ZBTB44: variants seen among roughly 807,000 people sequenced by gnomAD.
ZBTB44 encodes zinc finger and BTB domain containing 44, also known as zinc finger and BTB domain-containing protein 44.
In ZBTB44, 15 loss-of-function variants were observed where a neutral mutation model predicts 54.0. That is an observed-to-expected ratio of 0.28 (90% confidence interval 0.19 to 0.43). The LOEUF (loss-of-function observed/expected upper bound fraction) is 0.43. ZBTB44 is among the 20% of genes least tolerant of loss of function. The pLI, the probability that ZBTB44 is intolerant of heterozygous loss-of-function variation, is 1.00. For synonymous variants in ZBTB44, 230 were observed against 250.1 expected, an observed-to-expected ratio of 0.92 and a Z score of 0.76; for missense variants, 487 against 707.1, an observed-to-expected ratio of 0.69 and a Z score of 3.53.
chr11:130,288,484 T>C (rs540567416), intron 1 of ZBTB44, among the ~76,000 whole-genome samples: 24 of 152,306 alleles, frequency 1.6e-4, no homozygotes, highest in African/African-American at 5.8e-4. Context: ...AAATGGCAAG[T>C]AGTGTCTTAA....
chr11:130,302,578 A>C (rs549182187), intron 1 of ZBTB44, among the ~76,000 whole-genome samples: 37 of 152,222 alleles, frequency 2.4e-4, no homozygotes, highest in Non-Finnish European at 4.4e-4. Context: ...TAAGAAGAGC[A>C]AAGAGCCAAA....
At chr11:130,311,397 T>C (rs1452170273) in intron 1 of ZBTB44, among the ~76,000 whole-genome samples, 1 of 151,960 alleles carries the variant, frequency 6.6e-6, no homozygotes, top group Non-Finnish European at 1.5e-5. Flanking sequence ...TTTATAGAGA[T>C]GGGGTCTCAT....
intron 1 of ZBTB44, among the ~76,000 whole-genome samples, chr11:130,279,377 G>A (rs1263537594): frequency 1.3e-5 from 2 of 151,722 alleles, no homozygotes; most frequent in Non-Finnish European, 1.5e-5. Context: ...ATGTGGCTCA[G>A]GTTGGGTGCA....
In ZBTB44 at chr11:130,236,863, C is replaced by T. The variant is rs1259800304; in HGVS notation, c.1498G>A (p.Gly500Arg). ...CTCCTCAGGTGCACGATTAAATTTCCAGAGTTGGTGAACATGGCGCCACAT... is the reference window on the plus strand; with the variant it reads ...CTCCTCAGGTGCACGATTAAATTTCTAGAGTTGGTGAACATGGCGCCACAT... ...KTCGAMFTNS[G>R]NLIVHLRSLN... The change falls in exon 5 of 8, where the codon GGA becomes AGA. Residue 500 changes from glycine to arginine, a missense_variant. Gly to Arg is a moderately radical substitution (Grantham distance 125, BLOSUM62 -2). Transcript: ENST00000357899. 6.7e-7 allele frequency: 1 copy of T among 1,500,714 alleles called. No individual in the cohort carries two copies. Among genetic ancestry groups the T allele is most frequent in the South Asian group, 1.3e-5 (1 of 78,516 alleles). The allele number at this position is 1,500,714 out of a possible 1,614,324, so 93.0% of individuals were successfully genotyped here. A position where few individuals can be genotyped will look rare whatever the true frequency, so the allele number is the denominator to read the frequency against.
intron 1 of ZBTB44, among the ~76,000 whole-genome samples, chr11:130,292,874 T>A (rs1415074317): frequency 6.6e-6 from 1 of 152,132 alleles, no homozygotes; most frequent in African/African-American, 2.4e-5. Context: ...AAATAAGACG[T>A]TTCTCACTAT....
In ZBTB44 at chr11:130,233,288, T is replaced by C. The variant is rs553420245; in HGVS notation, c.*48+20A>G. On this transcript the variant is annotated intron_variant, in intron 7 of 7. Transcript: ENST00000357899. The stretch of plus-strand genomic sequence containing the variant: ...AAAAGCAGTATGAGAAGAGTTCCTA[T>C]GAAGCTGGGATTTACATACTTCATT... The C allele has an allele frequency of 2.0e-5, 30 of 1,500,372 alleles. No homozygotes were observed. In the East Asian group the frequency reaches 2.2e-4, roughly 11 times the overall value. The allele number at this position is 1,500,372 out of a possible 1,614,324, so 92.9% of individuals were successfully genotyped here.
At chr11:130,246,545 G>A (rs1326028998) in intron 2 of ZBTB44, among the ~76,000 whole-genome samples, 3 of 152,064 alleles carry the variant, frequency 2.0e-5, no homozygotes, top group African/African-American at 4.8e-5. Context: ...TAGAAGTGCT[G>A]TATGATAGCT....
At chr11:130,312,345 A>C (rs1942658455) in intron 1 of ZBTB44, among the ~76,000 whole-genome samples, 1 of 152,218 alleles carries the variant, frequency 6.6e-6, no homozygotes, top group Non-Finnish European at 1.5e-5. Context: ...ACTTTAATCA[A>C]ATGGTTACAT....
chr11:130,232,383 A>G (rs192573052), intron 7 of ZBTB44: 8 of 152,352 alleles, frequency 5.3e-5, no homozygotes, highest in African/African-American at 1.9e-4. Context: ...TTTAGGATCA[A>G]TATTAGAGAT....
Position 130,298,469 on chromosome 11 carries a change from T to G in ZBTB44, c.-57+15906A>C, listed in dbSNP as rs532860729. On this transcript the variant is annotated intron_variant, in intron 1 of 7. Coordinates refer to ENST00000357899, the MANE Select transcript of ZBTB44 (RefSeq NM_001301098.2). ...CAAAAGTTGAAGTTTTTTTTTTTTT[T>G]TTTTTTTTTTAAAGACTGAGTCTCG... Among the ~76,000 whole-genome samples, 1,083 of 150,232 alleles carry G rather than the reference T, an allele frequency of 7.2e-3. 5 individuals carry two copies. The highest frequency in any genetic ancestry group is 0.011 in the Non-Finnish European group (743 of 67,524).
intron 2 of ZBTB44, 55 bp downstream of exon 2, chr11:130,260,801 T>TA (rs1200528350): frequency 1.1e-5 from 16 of 1,516,242 alleles, no homozygotes; most frequent in Admixed American, 6.7e-5. Flanking sequence ...AACAGGAACT[T>TA]AAAAATGTTT....
At position 130,240,041 on chromosome 11, in the gene ZBTB44, ATTTTTTTT is replaced by A. The variant is rs11449622; in HGVS notation, c.1019-153_1019-146del. 9.9e-3 allele frequency: 3,170 copies of A among 321,794 alleles called. 49 individuals carry two copies. Among genetic ancestry groups the A allele is most frequent in the Non-Finnish European group, 0.01 (1,824 of 174,122 alleles). The allele number at this position is 321,794 out of a possible 1,614,324, so 19.9% of individuals were successfully genotyped here. A position where few individuals can be genotyped will look rare whatever the true frequency, so the allele number is the denominator to read the frequency against. On this transcript the variant is annotated intron_variant, in intron 2 of 7. Coordinates refer to ENST00000357899, the MANE Select transcript of ZBTB44 (RefSeq NM_001301098.2). ...TTATTAATCCAAAGTAGTGTTCTAC[ATTTTTTTT>A]TTTTTTTTTTGAGACTGAGTCTCGC...
At chr11:130,247,488 T>C (rs1047979949) in intron 2 of ZBTB44, among the ~76,000 whole-genome samples, 3 of 152,206 alleles carry the variant, frequency 2.0e-5, no homozygotes, top group African/African-American at 7.2e-5. Context: ...GTTATTCAGA[T>C]TGTGTTGCTC....
chr11:130,293,739 T>C (rs1049835721), intron 1 of ZBTB44, among the ~76,000 whole-genome samples: 1 of 151,880 alleles, frequency 6.6e-6, no homozygotes, highest in Non-Finnish European at 1.5e-5. Flanking sequence ...GAGGTTGCCG[T>C]GGGCCAAGAC....
chr11:130,273,048 A>C (rs1939790983), intron 1 of ZBTB44, among the ~76,000 whole-genome samples: 1 of 152,150 alleles, frequency 6.6e-6, no homozygotes, highest in Non-Finnish European at 1.5e-5. Context: ...GCAACTCCAT[A>C]TTAATTTCAG....
chr11:130,281,603 G>T (rs1057021385), intron 1 of ZBTB44, among the ~76,000 whole-genome samples: 4 of 145,766 alleles, frequency 2.7e-5, no homozygotes, highest in South Asian at 4.2e-4. Flanking sequence ...TTGTTTTTTG[G>T]GGGGGGGATG....
intron 1 of ZBTB44, among the ~76,000 whole-genome samples, chr11:130,306,071 T>C (rs1055439467): frequency 3.9e-5 from 6 of 152,206 alleles, no homozygotes; most frequent in African/African-American, 1.4e-4. Context: ...ACCTTACTCC[T>C]GTAAGAATGG....
intron 1 of ZBTB44, among the ~76,000 whole-genome samples, chr11:130,287,850 C>T (rs992712751): frequency 8.6e-5 from 13 of 150,690 alleles, no homozygotes; most frequent in Admixed American, 2.7e-4. Flanking sequence ...TGAACTATAT[C>T]TAAAAATATT....
intron 1 of ZBTB44, among the ~76,000 whole-genome samples, chr11:130,290,638 G>A (rs1183475785): frequency 6.6e-6 from 1 of 152,108 alleles, no homozygotes; most frequent in Non-Finnish European, 1.5e-5. Context: ...AATTATCTGA[G>A]TCCAGACACT....
Sources: allele counts gnomAD v4.1 joint callset (sites outside exome capture counted in the v4.1 genomes callset), GRCh38; gene constraint gnomAD v4.1.1; transcripts MANE v1.5; gene names NCBI Gene and HGNC (gene_info 2026-07-23, HGNC 2026-07-21).